ARPC2: variants seen among roughly 807,000 people sequenced by gnomAD.
ARPC2 encodes actin related protein 2/3 complex subunit 2.
ARPC2 carries 4 observed loss-of-function variants against 38.6 expected under a neutral mutation model. The ratio of observed to expected loss-of-function variants is 0.10; its 90% confidence interval spans 0.05 to 0.24. ARPC2 has a LOEUF of 0.24. ARPC2 is among the 10% of genes least tolerant of loss of function. ARPC2 has a pLI of 1.00. For missense variants in ARPC2, 229 were observed against 387.3 expected (o/e 0.59, Z 3.43); for synonymous variants, 125 against 140.8 (o/e 0.89, Z 0.79).
At chr2:218,231,040 A>T (rs753130013) in intron 4 of ARPC2, among the ~76,000 whole-genome samples, 7 of 152,196 alleles carry the variant, frequency 4.6e-5, no homozygotes, top group Non-Finnish European at 8.8e-5. Flanking sequence ...AGTAAGTAAC[A>T]TTCATAGTGT....
At chr2:218,238,901 T>C (rs1689842894) in intron 6 of ARPC2, 51 bp downstream of exon 6, 1 of 1,367,156 alleles carries the variant, frequency 7.3e-7, no homozygotes, top group African/African-American at 1.5e-5. Flanking sequence ...TACACCACCA[T>C]GGCACTTACT....
chr2:218,245,022 G>T lies in ARPC2; in HGVS notation c.550-398G>T, dbSNP rs937584538. ...TCTTTCATTCCATTGTCTTCTGTCC[G>T]CAAGAAGAGCTTAAGTTTGCTCTAA... is the stretch of plus-strand genomic sequence containing the variant. On this transcript the variant is annotated intron_variant, in intron 7 of 10. Transcript: ENST00000315717. Among the ~76,000 whole-genome samples the T allele has an allele frequency of 4.4e-4, 67 of 152,278 alleles. 1 individual carries two copies. Among genetic ancestry groups the T allele is most frequent in the Non-Finnish European group, 5.9e-5 (4 of 68,022 alleles).
At chr2:218,242,593 G>T (rs1039919821) in intron 7 of ARPC2, among the ~76,000 whole-genome samples, 1 of 152,150 alleles carries the variant, frequency 6.6e-6, no homozygotes, top group Non-Finnish European at 1.5e-5. Flanking sequence ...CTCCATCAGG[G>T]TAGTGGCATT....
chr2:218,226,079 G>T, intron 3 of ARPC2, 125 bp downstream of exon 3: 1 of 885,316 alleles, frequency 1.1e-6, no homozygotes. Flanking sequence ...TGGATCACCT[G>T]ATGTCAAGAG....
Position 218,239,500 on chromosome 2 carries a change from C to T in ARPC2, c.549+16C>T, listed in dbSNP as rs1292045481. The stretch of plus-strand genomic sequence containing the variant: ...GTTCATGCAGGTATGGAGCAGACAT[C>T]TTGGGGGAAACCCATGCATGGCGAC... On this transcript the variant is annotated intron_variant, in intron 7 of 10. Transcript: ENST00000315717. The T allele has an allele frequency of 6.2e-7, 1 of 1,604,488 alleles. No homozygotes were observed. The highest frequency in any genetic ancestry group is 8.5e-7 in the Non-Finnish European group (1 of 1,171,286).
intron 3 of ARPC2, among the ~76,000 whole-genome samples, chr2:218,226,816 G>T (rs1009526804): frequency 2.1e-5 from 3 of 146,096 alleles, no homozygotes; most frequent in Admixed American, 6.8e-5. Flanking sequence ...TTTTTGTTGT[G>T]TTTTTTTTTT....
intron 4 of ARPC2, among the ~76,000 whole-genome samples, chr2:218,232,384 A>T (rs191483469): frequency 1.7e-4 from 26 of 152,332 alleles, no homozygotes; most frequent in Admixed American, 6.5e-4. Flanking sequence ...GCTATAACAG[A>T]ATACCACAGA....
intron 4 of ARPC2, among the ~76,000 whole-genome samples, chr2:218,232,459 C>T (rs1054061510): frequency 1.5e-4 from 23 of 151,546 alleles, no homozygotes; most frequent in Admixed American, 2.6e-4. Context: ...AGTCCAAGAG[C>T]GTGGCACCAG....
chr2:218,249,262 A>G, intron 8 of ARPC2, 102 bp from the exon 9 acceptor site: 2 of 763,788 alleles, frequency 2.6e-6, no homozygotes, highest in Admixed American at 5.1e-5. Context: ...AGTGGAGTGT[A>G]CTTAAGCAGA....
intron 5 of ARPC2, among the ~76,000 whole-genome samples, chr2:218,237,165 C>T (rs1301956958): frequency 3.3e-5 from 5 of 152,040 alleles, no homozygotes; most frequent in Non-Finnish European, 7.4e-5. Context: ...CAACATTCTC[C>T]CCTATCTCCG....
chr2:218,248,019 A>G (rs1356496857), intron 8 of ARPC2, among the ~76,000 whole-genome samples: 6 of 151,306 alleles, frequency 4.0e-5, no homozygotes, highest in East Asian at 1.9e-4. Context: ...GCCTCAAGCA[A>G]TCCACTCACT....
At chr2:218,230,384 C>A (rs186863207) in intron 4 of ARPC2, among the ~76,000 whole-genome samples, 2 of 146,112 alleles carry the variant, frequency 1.4e-5, no homozygotes, top group African/African-American at 5.1e-5. Flanking sequence ...CTCAACCTCC[C>A]AGGCTCAAGC....
At chr2:218,239,318 A>T in intron 6 of ARPC2, 73 bp from the exon 7 acceptor site, 2 of 1,044,490 alleles carry the variant, frequency 1.9e-6, no homozygotes, top group Non-Finnish European at 3.0e-6. Context: ...CTTCTGATGT[A>T]CTTGTAGATC....
chr2:218,232,523 A>C (rs1000706080), intron 4 of ARPC2, among the ~76,000 whole-genome samples: 4 of 150,818 alleles, frequency 2.7e-5, no homozygotes, highest in African/African-American at 9.8e-5. Context: ...AAAAGGCAGA[A>C]GGGCAAGAGA....
Position 218,230,280 on chromosome 2 carries a change from T to TTTTTTC in ARPC2, c.222+1435_222+1436insCTTTTT, listed in dbSNP as rs1689601297. Among the ~76,000 whole-genome samples, 4 of 140,150 alleles carry TTTTTTC rather than the reference T, an allele frequency of 2.9e-5. No homozygotes were observed. In the South Asian group the frequency reaches 8.8e-4, roughly 31 times the overall value. The allele number at this position is 140,150 out of a possible 152,430, so 91.9% of individuals were successfully genotyped here. ...AGCCACCGTGCCCAGCCTTTTCTTT[T>TTTTTTC]TTTTTTCTTTTTTTTTTTTTTTTTT... On this transcript the variant is annotated intron_variant, in intron 4 of 10. Transcript: ENST00000315717.
chr2:218,236,124 T>C (rs2106151977), intron 5 of ARPC2: 1 of 151,536 alleles, frequency 6.6e-6, no homozygotes, highest in Admixed American at 6.6e-5. Context: ...GAGTCTCTCC[T>C]CCTCTTTTTT....
intron 3 of ARPC2, among the ~76,000 whole-genome samples, chr2:218,227,358 T>G (rs533145604): frequency 3.3e-5 from 5 of 152,378 alleles, no homozygotes; most frequent in African/African-American, 9.6e-5. Flanking sequence ...TGCATCTTAA[T>G]TCAAATAAGA....
At chr2:218,248,181 C>T (rs960738527) in intron 8 of ARPC2, among the ~76,000 whole-genome samples, 17 of 152,180 alleles carry the variant, frequency 1.1e-4, no homozygotes, top group African/African-American at 3.9e-4. Flanking sequence ...TCTTGTGGTA[C>T]ATAAAATTAT....
At chr2:218,248,736 A>G (rs1690107409) in intron 8 of ARPC2, among the ~76,000 whole-genome samples, 1 of 152,234 alleles carries the variant, frequency 6.6e-6, no homozygotes, top group Admixed American at 6.5e-5. Flanking sequence ...TGCTGGGATT[A>G]CAGGCGTGAG....
Sources: allele counts gnomAD v4.1 joint callset (sites outside exome capture counted in the v4.1 genomes callset), GRCh38; gene constraint gnomAD v4.1.1; transcripts MANE v1.5; gene names NCBI Gene and HGNC (gene_info 2026-07-23, HGNC 2026-07-21).